MARCHF1: variants seen among roughly 807,000 people sequenced by gnomAD.
MARCHF1 encodes the protein membrane associated ring-CH-type finger 1.
In MARCHF1, 40 loss-of-function variants were observed where a neutral mutation model predicts 54.2. That is an observed-to-expected ratio of 0.74 (90% confidence interval 0.57 to 0.96). The LOEUF (loss-of-function observed/expected upper bound fraction) is 0.96. Among genes scored for constraint, MARCHF1 ranks in the 40% least tolerant of loss-of-function variants. The pLI, the probability that MARCHF1 is intolerant of heterozygous loss-of-function variation, is 0.00. For missense variants in MARCHF1, 586 were observed against 656.5 expected, an observed-to-expected ratio of 0.89 and a Z score of 1.17; for synonymous variants, 236 against 236.3, an observed-to-expected ratio of 1.00 and a Z score of 0.01.
chr4:163,557,089 A>G (rs1739318548), intron 8 of MARCHF1, among the ~76,000 whole-genome samples: 1 of 152,166 alleles, frequency 6.6e-6, no homozygotes, highest in South Asian at 2.1e-4. Flanking sequence ...ATAGCAGGGA[A>G]GGGTTGGAGG....
chr4:163,670,042 T>G (rs1743677600), intron 5 of MARCHF1, among the ~76,000 whole-genome samples: 1 of 152,072 alleles, frequency 6.6e-6, no homozygotes. Flanking sequence ...TTACTTAGTC[T>G]GTAATTACAA....
At chr4:163,932,665 G>C in intron 3 of MARCHF1, 1 of 487,340 alleles carries the variant, frequency 2.1e-6, no homozygotes, top group Non-Finnish European at 4.0e-6. Context: ...GCCTACATGA[G>C]TGCGGTTGGG....
chr4:164,066,352 T>C (rs959609645), intron 2 of MARCHF1, among the ~76,000 whole-genome samples: 26 of 152,128 alleles, frequency 1.7e-4, no homozygotes, highest in African/African-American at 5.6e-4. Flanking sequence ...TGGTTACTAT[T>C]AAAAAGTCAA....
intron 4 of MARCHF1, among the ~76,000 whole-genome samples, chr4:163,754,831 G>T (rs1422537161): frequency 6.6e-6 from 1 of 152,030 alleles, no homozygotes; most frequent in Non-Finnish European, 1.5e-5. Context: ...GACAGACAAA[G>T]TAAGTTAAAA....
chr4:163,692,116 C>A (rs936165045), intron 5 of MARCHF1, among the ~76,000 whole-genome samples: 2 of 152,282 alleles, frequency 1.3e-5, no homozygotes, highest in South Asian at 4.1e-4. Flanking sequence ...CATAAGTCCA[C>A]AGATCCCATG....
At chr4:163,649,485 A>G (rs1742887150) in intron 5 of MARCHF1, among the ~76,000 whole-genome samples, 1 of 152,016 alleles carries the variant, frequency 6.6e-6, no homozygotes, top group Non-Finnish European at 1.5e-5. Context: ...GATCTGGTGA[A>G]ATTTTAAATA....
chr4:163,726,927 T>C (rs1041136544), intron 4 of MARCHF1, among the ~76,000 whole-genome samples: 1 of 152,260 alleles, frequency 6.6e-6, no homozygotes, highest in Non-Finnish European at 1.5e-5. Flanking sequence ...CATTTTCTTA[T>C]CGTTGAGTTT....
intron 2 of MARCHF1, among the ~76,000 whole-genome samples, chr4:164,101,662 A>C (rs2111159181): frequency 7.9e-6 from 1 of 127,142 alleles, no homozygotes; most frequent in East Asian, 2.1e-4. Flanking sequence ...AAAGATGGGG[A>C]AAAAACAGAA....
chr4:163,905,910 T>A (rs1026908214), intron 3 of MARCHF1, among the ~76,000 whole-genome samples: 1 of 152,070 alleles, frequency 6.6e-6, no homozygotes, highest in African/African-American at 2.4e-5. Flanking sequence ...AAAATTCATT[T>A]ATTGGATCTT....
chr4:164,363,095 C>A (rs960106495), intron 1 of MARCHF1, among the ~76,000 whole-genome samples: 3 of 151,942 alleles, frequency 2.0e-5, no homozygotes, highest in African/African-American at 7.3e-5. Context: ...TACATATGTT[C>A]TATTCTGTTT....
chr4:163,779,262 TCA>T (rs1747394992), intron 4 of MARCHF1, among the ~76,000 whole-genome samples: 1 of 152,134 alleles, frequency 6.6e-6, no homozygotes, highest in Non-Finnish European at 1.5e-5. Context: ...TCACATAGAA[TCA>T]CACAATGATA....
chr4:163,957,638 C>A (rs966148893), intron 3 of MARCHF1, among the ~76,000 whole-genome samples: 1 of 152,002 alleles, frequency 6.6e-6, no homozygotes, highest in Non-Finnish European at 1.5e-5. Flanking sequence ...TGAAACTTAA[C>A]TCTTTTCTAT....
intron 1 of MARCHF1, among the ~76,000 whole-genome samples, chr4:164,334,231 G>A (rs982897921): frequency 6.6e-6 from 1 of 152,176 alleles, no homozygotes. Context: ...TGAAACTGAC[G>A]TGTATTGGAA....
At chr4:164,269,368 C>G (rs1733687405) in intron 1 of MARCHF1, among the ~76,000 whole-genome samples, 1 of 151,990 alleles carries the variant, frequency 6.6e-6, no homozygotes, top group Non-Finnish European at 1.5e-5. Flanking sequence ...ACTTGCCTAG[C>G]AATGGCTGTT....
intron 4 of MARCHF1, among the ~76,000 whole-genome samples, chr4:163,805,104 T>G (rs1389014824): frequency 3.9e-5 from 6 of 152,132 alleles, no homozygotes; most frequent in African/African-American, 7.2e-5. Flanking sequence ...TGTACCCACA[T>G]GTTTTAAGAG....
chr4:164,056,777 T>C (rs1754498837), intron 2 of MARCHF1, among the ~76,000 whole-genome samples: 1 of 152,180 alleles, frequency 6.6e-6, no homozygotes, highest in Admixed American at 6.5e-5. Context: ...ATATTTGAAT[T>C]GGTCTTAGCT....
intron 1 of MARCHF1, among the ~76,000 whole-genome samples, chr4:164,121,746 G>C (rs1007757100): frequency 6.6e-6 from 1 of 152,090 alleles, no homozygotes; most frequent in African/African-American, 2.4e-5. Flanking sequence ...TGGCCTCACT[G>C]TTGAATTCCA....
At chr4:163,858,026 T>C (rs999291062) in intron 3 of MARCHF1, among the ~76,000 whole-genome samples, 6 of 146,018 alleles carry the variant, frequency 4.1e-5, no homozygotes, top group Non-Finnish European at 7.4e-5. Context: ...TTACAAGTAA[T>C]TTACATGAAA....
At chr4:163,701,568 C>T (rs914237331) in intron 4 of MARCHF1, among the ~76,000 whole-genome samples, 1 of 152,086 alleles carries the variant, frequency 6.6e-6, no homozygotes, top group Non-Finnish European at 1.5e-5. Context: ...TGGGCCCTCC[C>T]GTTTGAAGCC....
Sources: gnomAD v4.1 joint callset for allele counts (sites outside exome capture counted in the v4.1 genomes callset) on GRCh38, gnomAD v4.1.1 for gene constraint, MANE v1.5 for transcripts, NCBI Gene and HGNC (gene_info 2026-07-23, HGNC 2026-07-21) for gene names.